The following GRID2 variants were observed in gnomAD, a reference collection of about 807,000 sequenced individuals.
GRID2 encodes glutamate ionotropic receptor delta type subunit 2, also known as glutamate receptor ionotropic, delta-2.
In GRID2, 33 loss-of-function variants were observed where a neutral mutation model predicts 114.8. That is an observed-to-expected ratio of 0.29 (90% confidence interval 0.22 to 0.38). GRID2 has a LOEUF of 0.38. Ranked by LOEUF, GRID2 falls within the 10% of genes least tolerant of loss-of-function variation. GRID2 has a pLI of 1.00. For missense variants in GRID2, 1,184 were observed against 1,257.7 expected (o/e 0.94, Z 0.89); for synonymous variants, 505 against 449.9 (o/e 1.12, Z -1.55).
intron 8 of GRID2, chr4:93,302,495 A>T (rs1754980340): frequency 2.2e-6 from 1 of 449,382 alleles, no homozygotes; most frequent in Admixed American, 2.4e-5. Context: ...AGCAATGCGA[A>T]CATAATATTC....
intron 2 of GRID2, among the ~76,000 whole-genome samples, chr4:93,053,135 C>T (rs1378646020): frequency 6.6e-6 from 1 of 151,894 alleles, no homozygotes; most frequent in African/African-American, 2.4e-5. Context: ...AATAAGCAAT[C>T]ACAGTAGTCA....
intron 1 of GRID2, among the ~76,000 whole-genome samples, chr4:92,448,131 T>TTATGTATGTATG (rs10551052): frequency 2.0e-3 from 285 of 145,484 alleles, no homozygotes; most frequent in South Asian, 2.7e-3. Context: ...GATTTTTATT[T>TTATGTATGTATG]TATGTATGTA....
intron 12 of GRID2, among the ~76,000 whole-genome samples, chr4:93,505,356 C>A (rs1226557555): frequency 6.6e-6 from 1 of 151,940 alleles, no homozygotes; most frequent in African/African-American, 2.4e-5. Context: ...ATCATCTTAA[C>A]ATAAATTTTA....
At chr4:92,479,280 C>G (rs1722467714) in intron 1 of GRID2, among the ~76,000 whole-genome samples, 2 of 152,000 alleles carry the variant, frequency 1.3e-5, no homozygotes. Flanking sequence ...CATAGTCCTC[C>G]TTAGTCTTTG....
chr4:92,877,043 T>C (rs957532740), intron 2 of GRID2, among the ~76,000 whole-genome samples: 2 of 152,352 alleles, frequency 1.3e-5, no homozygotes, highest in East Asian at 1.9e-4. Context: ...TTTTAAAATA[T>C]CTTGGCTGTG....
chr4:93,402,773 A>T (rs4692981), intron 9 of GRID2, among the ~76,000 whole-genome samples: 35,223 of 152,048 alleles, frequency 0.23, 5,148 homozygotes, highest in Non-Finnish European at 0.33. Context: ...TATCAATTAT[A>T]TTATCTCATA....
chr4:92,403,910 A>G (rs1008521728), intron 1 of GRID2, among the ~76,000 whole-genome samples: 1 of 152,070 alleles, frequency 6.6e-6, no homozygotes, highest in Admixed American at 6.6e-5. Flanking sequence ...CATAATATTT[A>G]TCTATTAAGT....
At chr4:92,908,306 T>C (rs1224686200) in intron 2 of GRID2, among the ~76,000 whole-genome samples, 1 of 152,168 alleles carries the variant, frequency 6.6e-6, no homozygotes, top group Non-Finnish European at 1.5e-5. Context: ...AACAATAAAT[T>C]ATTCCTACTC....
rs528263138 is a variant in GRID2, at chr4:92,653,417, C to A, written c.244+63131C>A. 3.1e-4 allele frequency among the ~76,000 whole-genome samples: 47 copies of A among 151,354 alleles called. 1 individual carries two copies. The highest frequency in any genetic ancestry group is 9.9e-4 in the Admixed American group (15 of 15,166). On this transcript the variant is annotated intron_variant, in intron 2 of 15. Transcript: ENST00000282020. ...TACATACACACAAACATTCACTTAT[C>A]TTTTTTCTGAGTAACTGCAATGAAT...
intron 2 of GRID2, among the ~76,000 whole-genome samples, chr4:92,881,906 A>C (rs532063312): frequency 6.6e-6 from 1 of 152,334 alleles, no homozygotes; most frequent in Non-Finnish European, 1.5e-5. Context: ...TTTTAAAAAT[A>C]AAATTAGATA....
At chr4:93,051,571 T>C (rs1055527139) in intron 2 of GRID2, among the ~76,000 whole-genome samples, 5 of 152,030 alleles carry the variant, frequency 3.3e-5, no homozygotes, top group Non-Finnish European at 5.9e-5. Context: ...ATTGAAAAGT[T>C]CGGTAACTTG....
chr4:93,169,373 A>G (rs1323016756), intron 4 of GRID2, among the ~76,000 whole-genome samples: 4 of 152,184 alleles, frequency 2.6e-5, no homozygotes, highest in Non-Finnish European at 4.4e-5. Context: ...TAGTAATTTG[A>G]CAAGTAGTCT....
At chr4:92,679,137 A>T (rs1733524804) in intron 2 of GRID2, among the ~76,000 whole-genome samples, 1 of 152,018 alleles carries the variant, frequency 6.6e-6, no homozygotes, top group Non-Finnish European at 1.5e-5. Context: ...GGAAGGATCT[A>T]TTTCCTTCTT....
At chr4:93,631,477 G>A (rs964038162) in intron 14 of GRID2, among the ~76,000 whole-genome samples, 2 of 152,048 alleles carry the variant, frequency 1.3e-5, no homozygotes, top group African/African-American at 4.8e-5. Flanking sequence ...TTGGTTTTTT[G>A]TCTTTGCAAT....
intron 1 of GRID2, among the ~76,000 whole-genome samples, chr4:92,572,579 C>CA (rs1317224027): frequency 2.0e-5 from 3 of 151,912 alleles, no homozygotes; most frequent in Admixed American, 2.0e-4. Flanking sequence ...AGAGATACAA[C>CA]AAAAAAAGAG....
Position 92,460,053 on chromosome 4 carries a change from TAC to T in GRID2, c.89-130070_89-130069del, listed in dbSNP as rs70940890. ...CTCACTATATATATATATATATATA[TAC>T]ACACACAACTTTTTGGTTCTGTTTC... On this transcript the variant is annotated intron_variant, in intron 1 of 15. Transcript: ENST00000282020. Among the ~76,000 whole-genome samples, 32 of 99,724 alleles carry T rather than the reference TAC, an allele frequency of 3.2e-4. 1 individual carries two copies. The highest frequency in any genetic ancestry group is 9.8e-4 in the African/African-American group (25 of 25,598). The allele number at this position is 99,724 out of a possible 152,430, so 65.4% of individuals were successfully genotyped here.
intron 2 of GRID2, among the ~76,000 whole-genome samples, chr4:93,011,100 T>A (rs1578744970): frequency 6.6e-6 from 1 of 151,912 alleles, no homozygotes. Context: ...GGTAATTTTT[T>A]AAAAATATAT....
At chr4:92,731,882 A>G (rs1363292268) in intron 2 of GRID2, among the ~76,000 whole-genome samples, 1 of 151,980 alleles carries the variant, frequency 6.6e-6, no homozygotes, top group Non-Finnish European at 1.5e-5. Flanking sequence ...AATTTTATAA[A>G]TTGAAAGGAG....
chr4:93,438,416 C>T (rs1721309459), intron 10 of GRID2, among the ~76,000 whole-genome samples: 1 of 152,054 alleles, frequency 6.6e-6, no homozygotes, highest in Non-Finnish European at 1.5e-5. Context: ...ATTATAAAAG[C>T]ATGTTTGCCT....
Sources: allele counts gnomAD v4.1 joint callset (sites outside exome capture counted in the v4.1 genomes callset), GRCh38; gene constraint gnomAD v4.1.1; transcripts MANE v1.5; gene names NCBI Gene and HGNC (gene_info 2026-07-23, HGNC 2026-07-21).